PCLO: variants seen among roughly 807,000 people sequenced by gnomAD.
PCLO encodes the protein piccolo presynaptic cytomatrix protein, also known as protein piccolo.
Under a neutral mutation model 427.5 loss-of-function variants are expected in PCLO, and 82 were observed. The observed-to-expected ratio is 0.19, with a 90% confidence interval of 0.16 to 0.23. The LOEUF is 0.23. PCLO is among the 10% of genes least tolerant of loss of function. The pLI, the probability that PCLO is intolerant of heterozygous loss-of-function variation, is 1.00. For missense variants in PCLO, 6,239 were observed against 6,115.9 expected (o/e 1.02, Z -0.67); for synonymous variants, 2,357 against 2,155.4 (o/e 1.09, Z -2.59).
chr7:83,125,064 T>C (rs995091607), intron 3 of PCLO, among the ~76,000 whole-genome samples: 18 of 152,136 alleles, frequency 1.2e-4, no homozygotes, highest in Admixed American at 6.5e-5. Flanking sequence ...TGCTCAATGT[T>C]GCCCAGGCTG....
chr7:82,794,459 CTTTTTTTTTTTTTTTTTTT>C (rs778108792), intron 22 of PCLO, among the ~76,000 whole-genome samples: 1 of 56,350 alleles, frequency 1.8e-5, no homozygotes, highest in East Asian at 5.9e-4. Flanking sequence ...AATTTTTTTT[CTTTTTTTTTTTTTTTTTTT>C]TTTTTTTTTT....
At chr7:83,020,278 A>G (rs1788309794) in intron 3 of PCLO, among the ~76,000 whole-genome samples, 1 of 152,112 alleles carries the variant, frequency 6.6e-6, no homozygotes, top group African/African-American at 2.4e-5. Context: ...TCCATCTTTC[A>G]TGAGGGTGCA....
intron 22 of PCLO, among the ~76,000 whole-genome samples, chr7:82,792,692 G>A (rs973246013): frequency 6.6e-6 from 1 of 151,850 alleles, no homozygotes; most frequent in Admixed American, 6.6e-5. Context: ...ATCTCAACCC[G>A]TTATTTTACC....
intron 3 of PCLO, among the ~76,000 whole-genome samples, chr7:83,016,377 G>A (rs916904120): frequency 1.3e-5 from 2 of 152,120 alleles, no homozygotes; most frequent in Non-Finnish European, 2.9e-5. Context: ...ACATGTTAGG[G>A]TTATAACAAA....
chr7:83,093,488 A>ATTTTTTT (rs1322277167), intron 3 of PCLO, among the ~76,000 whole-genome samples: 66 of 69,284 alleles, frequency 9.5e-4, no homozygotes, highest in African/African-American at 3.8e-3. Flanking sequence ...ATATATATAT[A>ATTTTTTT]TATATTTTTT....
intron 10 of PCLO, among the ~76,000 whole-genome samples, chr7:82,859,474 G>A (rs1225211541): frequency 6.6e-6 from 1 of 152,222 alleles, no homozygotes; most frequent in Non-Finnish European, 1.5e-5. Context: ...GTAATCCAGA[G>A]AATTCTCCCA....
intron 3 of PCLO, among the ~76,000 whole-genome samples, chr7:83,044,771 G>A (rs1369947360): frequency 1.3e-5 from 2 of 152,074 alleles, no homozygotes; most frequent in Non-Finnish European, 2.9e-5. Flanking sequence ...ATAAGAAGTG[G>A]TCAAATGTAT....
intron 20 of PCLO, chr7:82,822,053 AG>A: frequency 2.0e-6 from 2 of 994,010 alleles, no homozygotes; most frequent in Non-Finnish European, 2.4e-6. Context: ...TTCAGATACA[AG>A]AATCTAATTG....
At chr7:83,160,408 ATAACTT>A (rs1370231427) in intron 1 of PCLO, among the ~76,000 whole-genome samples, 1 of 152,148 alleles carries the variant, frequency 6.6e-6, no homozygotes, top group Non-Finnish European at 1.5e-5. Context: ...ACATAACTCT[ATAACTT>A]TAAAAGTCTA....
At chr7:82,936,695 C>T (rs965151061) in intron 6 of PCLO, among the ~76,000 whole-genome samples, 6 of 151,510 alleles carry the variant, frequency 4.0e-5, no homozygotes, top group Non-Finnish European at 5.9e-5. Flanking sequence ...AAATTGTAAA[C>T]AGATACACAA....
In PCLO at chr7:83,162,603, G is replaced by A. The variant is rs755080569; in HGVS notation, c.-11C>T. The A allele has an allele frequency of 8.4e-5, 128 of 1,529,540 alleles. No individual in the cohort carries two copies. Among genetic ancestry groups the A allele is most frequent in the Non-Finnish European group, 1.1e-4 (124 of 1,139,988 alleles). 94.7% of individuals were successfully genotyped at this position (1,529,540 alleles called of 1,614,324 possible). On this transcript the variant is annotated 5_prime_UTR_variant, in exon 1 of 25. Transcript: ENST00000333891. ...CGCCTCGTTGCCCATGGCTCAGGGA[G>A]ACTCGGGGCCGCCGCGCTCCCTCCT... is the stretch of plus-strand genomic sequence containing the variant.
At position 83,154,866 on chromosome 7, in the gene PCLO, C is replaced by G. The variant is rs1295731532; in HGVS notation, c.1775G>C (p.Cys592Ser). Residue 592 changes from cysteine to serine, a missense_variant, in exon 2 of 25, where the codon TGC (cysteine) becomes TCC (serine). Coordinates refer to ENST00000333891, the MANE Select transcript of PCLO (RefSeq NM_033026.6). Reference protein sequence around the residue: ...QGLPKTICPLCNTTELLLHVP... With the variant: ...QGLPKTICPLSNTTELLLHVP... Reference sequence around the variant, plus strand: ...ATGCAACAGAAGTTCAGTGGTATTGCAAAGAGGACAGATGGTTTTAGGGAG... The same window carrying G: ...ATGCAACAGAAGTTCAGTGGTATTGGAAAGAGGACAGATGGTTTTAGGGAG... The G allele has an allele frequency of 1.2e-6, 2 of 1,613,850 alleles. No homozygotes were observed. Among genetic ancestry groups the G allele is most frequent in the African/African-American group, 2.7e-5 (2 of 74,906 alleles).
At chr7:82,968,682 G>A (rs1467755050) in intron 3 of PCLO, among the ~76,000 whole-genome samples, 1 of 151,870 alleles carries the variant, frequency 6.6e-6, no homozygotes, top group Non-Finnish European at 1.5e-5. Context: ...ACCATACCCA[G>A]CTATTTTTTG....
rs558474265 is a variant in PCLO, at chr7:82,951,186, G to A, written c.9402C>T (p.His3134=). ...ATGATCTAGGCATTGGCTGGCTATG[G>A]TGCATGGCAGGTAATGAAGTCACTG... is the stretch of plus-strand genomic sequence containing the variant. ...ADAVTSLPAM[H]HSQPMPRSYF... The change falls in exon 6 of 25, where the codon CAC becomes CAT. Residue 3134 remains histidine (H), a synonymous_variant. Coordinates refer to ENST00000333891, the MANE Select transcript of PCLO (RefSeq NM_033026.6). 4.9e-5 allele frequency: 79 copies of A among 1,613,670 alleles called. No homozygotes were observed. In the South Asian group the frequency reaches 8.6e-4, roughly 18 times the overall value.
chr7:82,920,125 A>G (rs1353816244), intron 6 of PCLO, among the ~76,000 whole-genome samples: 3 of 151,920 alleles, frequency 2.0e-5, no homozygotes, highest in Non-Finnish European at 4.4e-5. Flanking sequence ...ATTTAATTCT[A>G]ATTTAAAAAA....
chr7:83,097,890 T>A (rs1043266869), intron 3 of PCLO, among the ~76,000 whole-genome samples: 1 of 152,038 alleles, frequency 6.6e-6, no homozygotes, highest in Non-Finnish European at 1.5e-5. Context: ...TGGAAAAGAT[T>A]CCTCTTTAAC....
At chr7:82,985,272 T>C (rs1417773947) in intron 3 of PCLO, among the ~76,000 whole-genome samples, 1 of 152,036 alleles carries the variant, frequency 6.6e-6, no homozygotes, top group African/African-American at 2.4e-5. Context: ...TCTGTTTTAG[T>C]CACAGAGTAC....
At chr7:83,029,312 A>G (rs1481338506) in intron 3 of PCLO, among the ~76,000 whole-genome samples, 4 of 152,022 alleles carry the variant, frequency 2.6e-5, no homozygotes, top group Non-Finnish European at 5.9e-5. Flanking sequence ...ACATGAGCAG[A>G]CACTTCTCAA....
intron 3 of PCLO, among the ~76,000 whole-genome samples, chr7:83,010,082 T>C (rs74618635): frequency 4.2e-3 from 642 of 152,066 alleles, no homozygotes; most frequent in Non-Finnish European, 7.1e-3. Context: ...ACCTATCACA[T>C]AGAATTGTCA....
Sources: gnomAD v4.1 joint callset for allele counts (sites outside exome capture counted in the v4.1 genomes callset) on GRCh38, gnomAD v4.1.1 for gene constraint, MANE v1.5 for transcripts, NCBI Gene and HGNC (gene_info 2026-07-23, HGNC 2026-07-21) for gene names.